RICTOR: variants seen among roughly 807,000 people sequenced by gnomAD.
RICTOR encodes RPTOR independent companion of MTOR complex 2, also known as rapamycin-insensitive companion of mTOR.
Under a neutral mutation model 214.9 loss-of-function variants are expected in RICTOR, and 49 were observed. The observed-to-expected ratio is 0.23, with a 90% CI of 0.18 to 0.29. The LOEUF (loss-of-function observed/expected upper bound fraction) is 0.29, where lower values mean the gene tolerates loss of function less well. Among genes scored for constraint, RICTOR ranks in the 10% least tolerant of loss-of-function variants. RICTOR has a pLI of 1.00. For missense variants in RICTOR, 1,625 were observed against 2,047.0 expected (o/e 0.79, Z 3.98); for synonymous variants, 717 against 711.3 (o/e 1.01, Z -0.13).
intron 2 of RICTOR, among the ~76,000 whole-genome samples, chr5:39,040,330 G>C (rs1194334702): frequency 8.3e-6 from 1 of 119,886 alleles, no homozygotes; most frequent in African/African-American, 3.1e-5. Context: ...GGTGGGGGGA[G>C]GGGGGAGGGA....
intron 15 of RICTOR, 69 bp from the exon 16 acceptor site, chr5:38,964,961 CACATATAATGCTGT>C (rs1750099057): frequency 1.1e-6 from 1 of 886,256 alleles, no homozygotes; most frequent in East Asian, 2.6e-5. Context: ...AGATTACCTG[CACATATAATGCTGT>C]ATTCAAGACT....
intron 3 of RICTOR, among the ~76,000 whole-genome samples, chr5:39,005,806 G>A (rs764891914): frequency 6.6e-6 from 1 of 152,122 alleles, no homozygotes; most frequent in South Asian, 2.1e-4. Context: ...TCCACGTTAG[G>A]TGGTTGCCCT....
chr5:39,016,326 C>A (rs775677247), intron 3 of RICTOR, among the ~76,000 whole-genome samples: 4 of 136,158 alleles, frequency 2.9e-5, no homozygotes, highest in Admixed American at 8.1e-5. Context: ...AGAGGGGGAA[C>A]AGAGAAGGGG....
At chr5:38,993,453 GGAAGGGGGAGAGA>G (rs1752935108) in intron 6 of RICTOR, among the ~76,000 whole-genome samples, 1 of 151,828 alleles carries the variant, frequency 6.6e-6, no homozygotes, top group African/African-American at 2.4e-5. Context: ...TGCCTGCATT[GGAAGGGGGAGAGA>G]GAAGGGGGAA....
intron 2 of RICTOR, among the ~76,000 whole-genome samples, chr5:39,057,479 C>T (rs16868031): frequency 0.045 from 6,823 of 152,106 alleles, 285 homozygotes; most frequent in African/African-American, 0.1. Flanking sequence ...GGAACGGTCA[C>T]TGGTTTACTG....
chr5:38,987,465 T>C lies in RICTOR; in HGVS notation c.583+3484A>G, dbSNP rs192109956. On this transcript the variant is annotated intron_variant, in intron 7 of 37. Transcript: ENST00000357387. ...GAGGGCGTATGTGTCCAGGAATTTATCCATTTATTCGAGATTTTCTAGTTT... is the reference window on the plus strand; with the variant it reads ...GAGGGCGTATGTGTCCAGGAATTTACCCATTTATTCGAGATTTTCTAGTTT... Among the ~76,000 whole-genome samples, 18 of 152,336 alleles carry C rather than the reference T, an allele frequency of 1.2e-4. No homozygotes were observed. In the East Asian group the frequency reaches 3.3e-3, roughly 28 times the overall value.
intron 22 of RICTOR, 37 bp from the exon 23 acceptor site, chr5:38,958,868 A>C (rs2150015091): frequency 7.6e-7 from 1 of 1,309,740 alleles, no homozygotes; most frequent in Non-Finnish European, 1.0e-6. Flanking sequence ...AAAAAAAAAA[A>C]CTTCAGCATA....
chr5:39,074,280 G>GGGGTGGC (rs1561094990), intron 1 of RICTOR, 49 bp downstream of exon 1: 4 of 1,570,182 alleles, frequency 2.5e-6, no homozygotes, highest in Non-Finnish European at 3.5e-6. Flanking sequence ...GCAAGTGCCA[G>GGGGTGGC]GGGTGGCGGG....
intron 11 of RICTOR, among the ~76,000 whole-genome samples, chr5:38,968,630 C>A (rs775569074): frequency 4.6e-5 from 7 of 151,310 alleles, no homozygotes; most frequent in Non-Finnish European, 7.4e-5. Context: ...CCTAGCTACT[C>A]GGGAGGCTGG....
chr5:39,006,777 G>GGA (rs1754102827), intron 3 of RICTOR, among the ~76,000 whole-genome samples: 1 of 114,824 alleles, frequency 8.7e-6, no homozygotes, highest in East Asian at 2.8e-4. Flanking sequence ...GGAGAGGAGA[G>GGA]GAGGGGAGGG....
At position 38,957,985 on chromosome 5, in the gene RICTOR, T is replaced by A. The variant is rs1268028394; in HGVS notation, c.2421-255A>T. ...AGGCACGGGGGCTCACGCCTGTAAT[T>A]CCAGCACTGTGGGAGGCCAAGGTGA... On this transcript the variant is annotated intron_variant, in intron 24 of 37. Transcript: ENST00000357387. 2.6e-5 allele frequency among the ~76,000 whole-genome samples: 4 copies of A among 152,030 alleles called. No individual in the cohort carries two copies. In the East Asian group the frequency reaches 7.7e-4, roughly 29 times the overall value.
intron 8 of RICTOR, among the ~76,000 whole-genome samples, chr5:38,979,330 C>T (rs115981940): frequency 2.1e-3 from 316 of 152,188 alleles, no homozygotes; most frequent in African/African-American, 7.0e-3. Context: ...AACAACCTTC[C>T]CATCTTGTCT....
chr5:38,942,193 A>C lies in RICTOR; in HGVS notation c.*111T>G. ...TACCAGTAACTGCGGAACAGTGTAC[A>C]GAAGATACTCCTGTCTTTGCTGCCT... On this transcript the variant is annotated 3_prime_UTR_variant, in exon 38 of 38. Transcript: ENST00000357387. 1 of 603,436 alleles carries C rather than the reference A, an allele frequency of 1.7e-6. No homozygotes were observed. The allele number at this position is 603,436 out of a possible 1,614,324, so 37.4% of individuals were successfully genotyped here.
intron 2 of RICTOR, among the ~76,000 whole-genome samples, chr5:39,047,536 C>T (rs186039915): frequency 5.8e-4 from 89 of 152,328 alleles, no homozygotes; most frequent in African/African-American, 2.1e-3. Flanking sequence ...ATGTATTTTA[C>T]TAACCTCTTA....
intron 8 of RICTOR, chr5:38,981,595 A>G (rs1751719536): frequency 1.1e-5 from 3 of 282,842 alleles, no homozygotes; most frequent in Admixed American, 4.9e-5. Context: ...AATTTGTTAC[A>G]TAACTTTATT....
Position 38,966,626 on chromosome 5 carries a change from AG to A in RICTOR, c.1299+14del. 8.1e-7 allele frequency: 1 copy of A among 1,242,168 alleles called. No homozygotes were observed. Among genetic ancestry groups the A allele is most frequent in the Non-Finnish European group, 1.2e-6 (1 of 852,626 alleles). 76.9% of individuals were successfully genotyped at this position (1,242,168 alleles called of 1,614,324 possible). On this transcript the variant is annotated intron_variant, in intron 15 of 37. Coordinates refer to ENST00000357387, the MANE Select transcript of RICTOR (RefSeq NM_152756.5). ...TAAAGGTATGAAACATATAATCAGAAGTTGCTAAACTTACCATATGTAAAAG... is the reference window on the plus strand; with the variant it reads ...TAAAGGTATGAAACATATAATCAGAATTGCTAAACTTACCATATGTAAAAG...
At chr5:39,059,456 A>G (rs529506746) in intron 2 of RICTOR, among the ~76,000 whole-genome samples, 1 of 152,216 alleles carries the variant, frequency 6.6e-6, no homozygotes, top group South Asian at 2.1e-4. Context: ...CATGTGTTCA[A>G]TTTGTCAAAA....
intron 2 of RICTOR, among the ~76,000 whole-genome samples, chr5:39,038,148 T>TGCAA (rs1328261711): frequency 6.6e-6 from 1 of 152,226 alleles, no homozygotes; most frequent in Admixed American, 6.5e-5. Context: ...ATCCCTGGGA[T>TGCAA]GCAAGGCTGG....
intron 7 of RICTOR, among the ~76,000 whole-genome samples, chr5:38,983,378 C>T (rs1184997019): frequency 1.3e-5 from 2 of 152,160 alleles, no homozygotes; most frequent in Non-Finnish European, 2.9e-5. Context: ...TTGGTTTTCG[C>T]TTCAGAGTTT....
Sources: gnomAD v4.1 joint callset for allele counts (sites outside exome capture counted in the v4.1 genomes callset) on GRCh38, gnomAD v4.1.1 for gene constraint, MANE v1.5 for transcripts, NCBI Gene and HGNC (gene_info 2026-07-23, HGNC 2026-07-21) for gene names.